ADCY9: variants seen among roughly 807,000 people sequenced by gnomAD.
ADCY9 encodes the protein adenylate cyclase 9.
A neutral mutation model predicts 101.5 loss-of-function variants in ADCY9; 50 were observed. The observed-to-expected ratio is 0.49, with a 90% CI of 0.39 to 0.62. The LOEUF (loss-of-function observed/expected upper bound fraction) is 0.62, where lower values mean the gene tolerates loss of function less well. ADCY9 is among the 20% of genes least tolerant of loss of function. ADCY9 has a pLI of 0.00. For synonymous variants in ADCY9, 905 were observed against 769.3 expected (o/e 1.18, Z -2.92); for missense variants, 1,662 against 1,800.4 (o/e 0.92, Z 1.39).
At chr16:4,085,316 C>T (rs1377645829) in intron 2 of ADCY9, among the ~76,000 whole-genome samples, 2 of 151,912 alleles carry the variant, frequency 1.3e-5, no homozygotes, top group African/African-American at 4.8e-5. Context: ...GAGCCGAGAT[C>T]GCACCACTGC....
At chr16:3,971,873 A>G (rs188545099) in intron 10 of ADCY9, among the ~76,000 whole-genome samples, 32 of 152,252 alleles carry the variant, frequency 2.1e-4, no homozygotes, top group African/African-American at 6.0e-4. Flanking sequence ...AGCTCACTCT[A>G]ATCTGCGGGA....
At chr16:4,078,968 T>A (rs2056885508) in intron 2 of ADCY9, among the ~76,000 whole-genome samples, 1 of 152,208 alleles carries the variant, frequency 6.6e-6, no homozygotes, top group Non-Finnish European at 1.5e-5. Flanking sequence ...ATAAGGATAT[T>A]CATCACACTG....
At chr16:4,089,810 G>A (rs1242693262) in intron 2 of ADCY9, among the ~76,000 whole-genome samples, 1 of 152,000 alleles carries the variant, frequency 6.6e-6, no homozygotes, top group South Asian at 2.1e-4. Context: ...TGCCAAGGTG[G>A]CTTCCAAAGA....
Position 4,115,839 on chromosome 16 carries a change from GA to G in ADCY9, c.-194del. ...CTCGCCTCCTCCAGCTGCGGCTCCG[GA>G]GGGAAGTTCAGACCTTGAGCGCTCC... On this transcript the variant is annotated 5_prime_UTR_variant, in exon 1 of 11. Coordinates refer to ENST00000294016, the MANE Select transcript of ADCY9 (RefSeq NM_001116.4). This position sits in a 1 kb window ranked among gnomAD's most constrained non-coding sequence, Gnocchi z 6.2. 2.5e-6 allele frequency: 1 copy of G among 403,116 alleles called. No homozygotes were observed. The highest frequency in any genetic ancestry group is 4.4e-6 in the Non-Finnish European group (1 of 229,296). The allele number at this position is 403,116 out of a possible 1,614,324, so 25.0% of individuals were successfully genotyped here.
chr16:4,080,580 T>C (rs1246102045), intron 2 of ADCY9, among the ~76,000 whole-genome samples: 4 of 152,146 alleles, frequency 2.6e-5, no homozygotes, highest in Non-Finnish European at 5.9e-5. Context: ...ATTTTTCTAA[T>C]AGGCTTCAGA....
intron 2 of ADCY9, among the ~76,000 whole-genome samples, chr16:4,047,586 G>GA (rs2056673863): frequency 6.6e-6 from 1 of 152,112 alleles, no homozygotes; most frequent in Non-Finnish European, 1.5e-5. Flanking sequence ...CGTTCAAGAT[G>GA]GAAAACCAAA....
At chr16:4,068,987 A>G (rs2056817102) in intron 2 of ADCY9, among the ~76,000 whole-genome samples, 1 of 152,196 alleles carries the variant, frequency 6.6e-6, no homozygotes, top group African/African-American at 2.4e-5. Context: ...GAAAGACAGT[A>G]ACCAAGATTC....
At chr16:3,959,048 G>T (rs1036060974), downstream of ADCY9, among the ~76,000 whole-genome samples, 1 of 151,974 alleles carries the variant, frequency 6.6e-6, no homozygotes, top group African/African-American at 2.4e-5. Flanking sequence ...ATGCGTTAGG[G>T]TTGACGTTAA....
intron 3 of ADCY9, among the ~76,000 whole-genome samples, chr16:3,995,332 G>A (rs1233907539): frequency 6.6e-6 from 1 of 152,164 alleles, no homozygotes; most frequent in Non-Finnish European, 1.5e-5. Flanking sequence ...TGGGGCTGAG[G>A]TGGGAGGGCT....
rs955386516 is a variant in ADCY9, at chr16:4,054,758, C to T, written c.1694-47200G>A. Among the ~76,000 whole-genome samples the T allele has an allele frequency of 9.9e-5, 15 of 151,922 alleles. No homozygotes were observed. In the East Asian group the frequency reaches 1.9e-3, roughly 20 times the overall value. On this transcript the variant is annotated intron_variant, in intron 2 of 10. Coordinates refer to ENST00000294016, the MANE Select transcript of ADCY9 (RefSeq NM_001116.4). ...GCTAATTTTGTATTGTTAGTAGAGA[C>T]GGGTTTCACTGTGTTAGCCAGGATG...
intron 2 of ADCY9, among the ~76,000 whole-genome samples, chr16:4,064,449 G>A (rs141642378): frequency 9.8e-4 from 149 of 152,220 alleles, no homozygotes; most frequent in Middle Eastern, 3.4e-3. Context: ...TTTTGTTTAT[G>A]TTTGAAATCA....
In ADCY9 at chr16:4,024,360, T is replaced by TG. The variant is rs773543859; in HGVS notation, c.1694-16803_1694-16802insC. 4.1e-3 allele frequency among the ~76,000 whole-genome samples: 625 copies of TG among 152,278 alleles called. 1 individual carries two copies. Among genetic ancestry groups the TG allele is most frequent in the Non-Finnish European group, 6.7e-3 (457 of 68,022 alleles). ...TTTTAATTCAAACTAATGTTAATCA[T>TG]ATAGGAAAGTTACATATACGGTACA... is the stretch of plus-strand genomic sequence containing the variant. On this transcript the variant is annotated intron_variant, in intron 2 of 10. Transcript: ENST00000294016.
At chr16:4,005,983 C>T (rs576717950) in intron 3 of ADCY9, among the ~76,000 whole-genome samples, 1 of 152,254 alleles carries the variant, frequency 6.6e-6, no homozygotes, top group East Asian at 1.9e-4. Context: ...CAACGTCAGC[C>T]CAGGCAAGGC....
chr16:4,035,320 C>G (rs1320554456), intron 2 of ADCY9, among the ~76,000 whole-genome samples: 2 of 152,092 alleles, frequency 1.3e-5, no homozygotes, highest in African/African-American at 4.8e-5. Context: ...TGCAGAACTG[C>G]AGAAAGAACC....
At chr16:4,024,326 T>C (rs1163086245) in intron 2 of ADCY9, among the ~76,000 whole-genome samples, 1 of 152,168 alleles carries the variant, frequency 6.6e-6, no homozygotes, top group Non-Finnish European at 1.5e-5. Flanking sequence ...CATCCAATTT[T>C]TTAAAACTTT....
intron 2 of ADCY9, among the ~76,000 whole-genome samples, chr16:4,092,851 G>C (rs145923071): frequency 6.6e-5 from 10 of 152,194 alleles, no homozygotes; most frequent in African/African-American, 2.4e-4. Flanking sequence ...TTAATGTAAC[G>C]AAGTAAAAAC....
chr16:4,050,813 C>G (rs2056696464), intron 2 of ADCY9, among the ~76,000 whole-genome samples: 1 of 151,878 alleles, frequency 6.6e-6, no homozygotes, highest in Admixed American at 6.6e-5. Context: ...TACTTAGATC[C>G]TGGTTTCTAA....
At chr16:4,111,016 A>AG (rs536993826) in intron 2 of ADCY9, among the ~76,000 whole-genome samples, 79 of 152,298 alleles carry the variant, frequency 5.2e-4, no homozygotes, top group Middle Eastern at 3.4e-3. Context: ...CCACAGTGCC[A>AG]GGTGCACAGT....
In ADCY9 at chr16:4,115,952, A is replaced by C; in HGVS notation, c.-306T>G. The C allele has an allele frequency of 3.2e-6, 1 of 312,504 alleles. No individual in the cohort carries two copies. Among genetic ancestry groups the C allele is most frequent in the East Asian group, 4.3e-5 (1 of 23,476 alleles). The allele number at this position is 312,504 out of a possible 1,614,324, so 19.4% of individuals were successfully genotyped here. The stretch of plus-strand genomic sequence containing the variant: ...CAGGAGCCGCGCTCCGATGCGTCAA[A>C]GGCGGCGCGCGGCCGGCCCCGGGCC... On this transcript the variant is annotated 5_prime_UTR_variant, in exon 1 of 11. Transcript: ENST00000294016. This position sits in a 1 kb window ranked among gnomAD's most constrained non-coding sequence, Gnocchi z 6.2.
Sources: allele counts gnomAD v4.1 joint callset (sites outside exome capture counted in the v4.1 genomes callset), GRCh38; gene constraint gnomAD v4.1.1; non-coding constraint Gnocchi (gnomAD v3.1); transcripts MANE v1.5; gene names NCBI Gene and HGNC (gene_info 2026-07-23, HGNC 2026-07-21).